The following RELN variants were observed in gnomAD, a reference collection of about 807,000 sequenced individuals.
RELN encodes reelin.
In RELN, 108 loss-of-function variants were observed where a neutral mutation model predicts 427.6. The observed-to-expected ratio is 0.25, with a 90% CI of 0.22 to 0.30. RELN has a LOEUF of 0.30. RELN is among the 10% of genes least tolerant of loss of function. The probability of loss-of-function intolerance (pLI) is 1.00; values close to 1 mark genes in which losing one functional copy is unlikely to be tolerated. For missense variants in RELN, 3,715 were observed against 4,302.8 expected (o/e 0.86, Z 3.82); for synonymous variants, 1,524 against 1,513.4 (o/e 1.01, Z -0.16).
At chr7:103,963,384 G>T (rs376188937) in intron 1 of RELN, among the ~76,000 whole-genome samples, 1 of 152,132 alleles carries the variant, frequency 6.6e-6, no homozygotes, top group East Asian at 1.9e-4. Context: ...AATTCTCAAT[G>T]TATAAGCAGA....
At chr7:103,644,783 C>A (rs1832764930) in intron 16 of RELN, among the ~76,000 whole-genome samples, 1 of 151,632 alleles carries the variant, frequency 6.6e-6, no homozygotes, top group Non-Finnish European at 1.5e-5. Flanking sequence ...GCTCACAGAA[C>A]TCCAGAAAAA....
In RELN at chr7:103,626,819, G is replaced by C. The variant is rs557460766; in HGVS notation, c.2702+3121C>G. ...CTTCAATTAGAATTTTTCCCTTACT[G>C]ATCTTAAAGTATATGTAAGAGGTTT... On this transcript the variant is annotated intron_variant, in intron 20 of 64. Transcript: ENST00000428762. This position sits in a 1 kb window ranked among gnomAD's most constrained non-coding sequence, Gnocchi z 4.4. Among the ~76,000 whole-genome samples, 18 of 152,156 alleles carry C rather than the reference G, an allele frequency of 1.2e-4. No homozygotes were observed. The highest frequency in any genetic ancestry group is 4.3e-4 in the African/African-American group (18 of 41,544).
At chr7:103,753,078 G>A in intron 5 of RELN, 104 bp downstream of exon 5, 1 of 1,127,590 alleles carries the variant, frequency 8.9e-7, no homozygotes, top group Non-Finnish European at 1.3e-6. Context: ...AATGATCAGA[G>A]AGGACAGCTT....
chr7:103,594,303 TCAGA>T lies in RELN; in HGVS notation c.3711+14_3711+17del. 6.2e-7 allele frequency: 1 copy of T among 1,607,302 alleles called. No individual in the cohort carries two copies. Among genetic ancestry groups the T allele is most frequent in the South Asian group, 1.1e-5 (1 of 90,940 alleles). On this transcript the variant is annotated intron_variant, in intron 26 of 64. Coordinates refer to ENST00000428762, the MANE Select transcript of RELN (RefSeq NM_005045.4). ...TTATAATTATCTGTCTTCTTGGAGT[TCAGA>T]CATAGGAGAATACCTGAGGTAAAGT...
At position 103,989,341 on chromosome 7, in the gene RELN, A is replaced by G. The variant is rs758270576; in HGVS notation, c.16T>C (p.Trp6Arg). The change falls in exon 1 of 65, where the codon TGG becomes CGG. Residue 6 changes from tryptophan to arginine, a missense_variant. Physicochemically the swap from Trp to Arg is moderately radical, Grantham distance 101 (BLOSUM62 -3). Coordinates refer to ENST00000428762, the MANE Select transcript of RELN (RefSeq NM_005045.4). The surrounding 1 kb of genome is among the most constrained non-coding windows in gnomAD (Gnocchi z 4.9). ...GCTAGGAGGAAAGTCTGCCGGGCCC[A>G]GCCACTGCGCTCCATGCCGCCGCCG... MERSGWARQTFLLALL... is the reference protein window; with the variant it reads MERSGRARQTFLLALL... The G allele has an allele frequency of 6.5e-7, 1 of 1,548,892 alleles. No homozygotes were observed. Among genetic ancestry groups the G allele is most frequent in the South Asian group, 1.2e-5 (1 of 84,522 alleles).
At chr7:103,553,902 G>GGACA in intron 38 of RELN, 71 bp from the exon 39 acceptor site, 1 of 1,320,116 alleles carries the variant, frequency 7.6e-7, no homozygotes, top group Non-Finnish European at 1.1e-6. Flanking sequence ...CTCATTGAAA[G>GGACA]AAAGCAAAGG....
chr7:103,679,439 A>G (rs1463296707), intron 11 of RELN, among the ~76,000 whole-genome samples: 2 of 152,224 alleles, frequency 1.3e-5, no homozygotes, highest in African/African-American at 2.4e-5. Flanking sequence ...TGAGAGTGGT[A>G]CGGTGCTTTT....
chr7:103,572,316 C>A (rs944139664), intron 30 of RELN, 56 bp from the exon 31 acceptor site: 67 of 964,456 alleles, frequency 6.9e-5, no homozygotes, highest in Admixed American at 1.5e-4. Flanking sequence ...GAGCTGTAAG[C>A]ATTAGCGTTT....
intron 2 of RELN, among the ~76,000 whole-genome samples, chr7:103,880,226 A>G (rs917653879): frequency 1.3e-5 from 2 of 152,064 alleles, no homozygotes; most frequent in African/African-American, 4.8e-5. Context: ...CTAAGTAAAA[A>G]AGCTTACACA....
At chr7:103,862,790 T>A (rs1172582562) in intron 2 of RELN, among the ~76,000 whole-genome samples, 3 of 152,136 alleles carry the variant, frequency 2.0e-5, no homozygotes, top group Non-Finnish European at 4.4e-5. Context: ...GACACTGTCT[T>A]CCAGCAGTTG....
At chr7:103,791,381 T>C (rs1792157611) in intron 3 of RELN, among the ~76,000 whole-genome samples, 1 of 152,218 alleles carries the variant, frequency 6.6e-6, no homozygotes, top group South Asian at 2.1e-4. Context: ...GACAATGTGA[T>C]ACTGCCATAA....
At chr7:103,772,506 T>C (rs1436545669) in intron 4 of RELN, among the ~76,000 whole-genome samples, 1 of 152,188 alleles carries the variant, frequency 6.6e-6, no homozygotes, top group Non-Finnish European at 1.5e-5. Flanking sequence ...GTTGAGAGCA[T>C]TCCTATTTAA....
intron 1 of RELN, among the ~76,000 whole-genome samples, chr7:103,963,557 G>A (rs899194051): frequency 4.6e-5 from 7 of 151,936 alleles, no homozygotes; most frequent in Admixed American, 4.6e-4. Context: ...GATAGCACTG[G>A]GTTGGGTGAC....
intron 4 of RELN, among the ~76,000 whole-genome samples, chr7:103,756,886 C>G (rs4446675): frequency 0.064 from 9,728 of 152,176 alleles, 352 homozygotes; most frequent in Middle Eastern, 0.085. Flanking sequence ...AAGATTCACG[C>G]ATATGTGGCA....
At chr7:103,516,286 C>CTTTTTT (rs3051646) in intron 49 of RELN, among the ~76,000 whole-genome samples, 1 of 141,134 alleles carries the variant, frequency 7.1e-6, no homozygotes. Context: ...CACAAAGTAT[C>CTTTTTT]TTTTTTTTTT....
chr7:103,510,861 A>G lies in RELN; in HGVS notation c.8264T>C (p.Met2755Thr). 1 of 1,613,340 alleles carries G rather than the reference A, an allele frequency of 6.2e-7. No individual in the cohort carries two copies. The highest frequency in any genetic ancestry group is 1.1e-5 in the South Asian group (1 of 91,056). ...HDLTPTEGWI[M>T]QFKISVGCKV... ...ATCATAACATTTCACCTTGAATTGC[A>G]TAATCCAGCCTTCAGTGGGAGTCAG... is the stretch of plus-strand genomic sequence containing the variant. Residue 2755 changes from methionine (M) to threonine (T), a missense_variant, in exon 51 of 65, where the codon ATG (methionine) becomes ACG (threonine). Met to Thr is a moderately conservative substitution (Grantham distance 81, BLOSUM62 -1). This residue lies in a region of RELN where 1,310 missense variants were observed against 1,643.0 expected (regional missense o/e 0.80). Coordinates refer to ENST00000428762, the MANE Select transcript of RELN (RefSeq NM_005045.4).
chr7:103,558,897 C>T (rs1830582636), intron 36 of RELN, among the ~76,000 whole-genome samples: 1 of 152,176 alleles, frequency 6.6e-6, no homozygotes, highest in African/African-American at 2.4e-5. Flanking sequence ...GATTTCTCAT[C>T]AACTAACAAA....
intron 2 of RELN, among the ~76,000 whole-genome samples, chr7:103,912,015 AT>A (rs1795378761): frequency 1.3e-5 from 2 of 152,098 alleles, no homozygotes; most frequent in Admixed American, 6.6e-5. Flanking sequence ...TAAAAAAAAA[AT>A]TTCCAATACT....
chr7:103,706,250 G>C (rs1834197681), intron 8 of RELN, among the ~76,000 whole-genome samples: 1 of 151,916 alleles, frequency 6.6e-6, no homozygotes, highest in Admixed American at 6.6e-5. Flanking sequence ...GCTGCTCTGA[G>C]AGCAGGCTAG....
Sources: allele counts gnomAD v4.1 joint callset (sites outside exome capture counted in the v4.1 genomes callset), GRCh38; gene constraint gnomAD v4.1.1; regional missense constraint gnomAD v4.1.1; non-coding constraint Gnocchi (gnomAD v3.1); transcripts MANE v1.5; gene names NCBI Gene and HGNC (gene_info 2026-07-23, HGNC 2026-07-21).